The following FRMD4A variants were observed in gnomAD, a reference collection of about 807,000 sequenced individuals.
FRMD4A encodes FERM domain containing 4A.
A neutral mutation model predicts 129.1 loss-of-function variants in FRMD4A; 29 were observed. The observed-to-expected ratio is 0.22, with a 90% confidence interval of 0.17 to 0.31. The LOEUF (loss-of-function observed/expected upper bound fraction) is 0.31. FRMD4A is among the 10% of genes least tolerant of loss of function. The pLI, the probability that FRMD4A is intolerant of heterozygous loss-of-function variation, is 1.00. For missense variants in FRMD4A, 1,272 were observed against 1,375.8 expected (o/e 0.92, Z 1.19); for synonymous variants, 634 against 571.6 (o/e 1.11, Z -1.56).
At chr10:13,717,456 GATAT>G (rs1350074566) in intron 12 of FRMD4A, among the ~76,000 whole-genome samples, 1 of 152,058 alleles carries the variant, frequency 6.6e-6, no homozygotes, top group Non-Finnish European at 1.5e-5. Flanking sequence ...TGAGATTACA[GATAT>G]ATGCCACCAT....
chr10:14,226,539 C>G (rs948507314), intron 2 of FRMD4A, among the ~76,000 whole-genome samples: 1 of 152,174 alleles, frequency 6.6e-6, no homozygotes, highest in Admixed American at 6.5e-5. Flanking sequence ...GGGCGCCATA[C>G]TGGAAGGATC....
chr10:14,012,343 T>C (rs2095685236), intron 2 of FRMD4A, among the ~76,000 whole-genome samples: 1 of 152,170 alleles, frequency 6.6e-6, no homozygotes, highest in Non-Finnish European at 1.5e-5. Flanking sequence ...TTCCTTCCAG[T>C]CTCAATGAAA....
intron 2 of FRMD4A, among the ~76,000 whole-genome samples, chr10:13,951,890 A>AAATAATAATAATAATAATAAT (rs5783371): frequency 3.9e-5 from 5 of 127,654 alleles, no homozygotes; most frequent in Non-Finnish European, 5.2e-5. Flanking sequence ...ACTCTGTCTC[A>AAATAATAATAATAATAATAAT]AATAATAATA....
At chr10:14,103,629 G>A (rs1287299406) in intron 2 of FRMD4A, among the ~76,000 whole-genome samples, 1 of 152,170 alleles carries the variant, frequency 6.6e-6, no homozygotes, top group Non-Finnish European at 1.5e-5. Flanking sequence ...ATGTGAAGCT[G>A]AATGTAAAAT....
intron 2 of FRMD4A, among the ~76,000 whole-genome samples, chr10:14,179,054 G>T (rs1027023272): frequency 6.6e-6 from 1 of 152,156 alleles, no homozygotes; most frequent in Non-Finnish European, 1.5e-5. Flanking sequence ...TAGACTAGGA[G>T]CACTTGTAAA....
chr10:13,687,051 G>A (rs1308158269), intron 15 of FRMD4A, among the ~76,000 whole-genome samples: 1 of 152,158 alleles, frequency 6.6e-6, no homozygotes, highest in Non-Finnish European at 1.5e-5. Context: ...AGCATGTTGG[G>A]AGGCCGAGGC....
chr10:14,039,447 AATCAATCAATCT>A (rs1225910684), intron 2 of FRMD4A, among the ~76,000 whole-genome samples: 19 of 68,476 alleles, frequency 2.8e-4, no homozygotes, highest in South Asian at 9.5e-4. Flanking sequence ...GGAACCCCAA[AATCAATCAATCT>A]ATCTATCTAT....
chr10:14,083,110 T>C (rs1488334187), intron 2 of FRMD4A: 1 of 152,214 alleles, frequency 6.6e-6, no homozygotes, highest in Non-Finnish European at 1.5e-5. Flanking sequence ...TTCTGGAACC[T>C]TCCGTGGAGA....
At chr10:14,295,223 A>C (rs1845972286) in intron 2 of FRMD4A, among the ~76,000 whole-genome samples, 1 of 152,132 alleles carries the variant, frequency 6.6e-6, no homozygotes, top group South Asian at 2.1e-4. Context: ...TACATGGGAA[A>C]GCCACCTCCT....
intron 2 of FRMD4A, among the ~76,000 whole-genome samples, chr10:13,898,670 C>T (rs2094785752): frequency 6.6e-6 from 1 of 152,192 alleles, no homozygotes. Context: ...GATGGCTTAG[C>T]TCTGATCTTT....
At chr10:14,323,849 T>C (rs1286670170) in intron 2 of FRMD4A, among the ~76,000 whole-genome samples, 1 of 152,192 alleles carries the variant, frequency 6.6e-6, no homozygotes, top group Non-Finnish European at 1.5e-5. Context: ...GAGATGACCA[T>C]GAAAGAGAGT....
chr10:14,200,190 G>A (rs1842594610), intron 2 of FRMD4A, among the ~76,000 whole-genome samples: 2 of 150,464 alleles, frequency 1.3e-5, no homozygotes, highest in African/African-American at 4.9e-5. Flanking sequence ...ACTGTGCCAG[G>A]CCTTATATTT....
In FRMD4A at chr10:13,646,295, C is replaced by T. The variant is rs1165682252; in HGVS notation, c.*743G>A. The stretch of plus-strand genomic sequence containing the variant: ...ATTTCCTTGCAGAAAGAATGTCTTC[C>T]TCTTGGCCCCTCTTAATTTTTTATG... On this transcript the variant is annotated 3_prime_UTR_variant, in exon 25 of 25. Coordinates refer to ENST00000357447, the MANE Select transcript of FRMD4A (RefSeq NM_018027.5). 2.6e-5 allele frequency: 4 copies of T among 152,592 alleles called. No individual in the cohort carries two copies. The highest frequency in any genetic ancestry group is 5.9e-5 in the Non-Finnish European group (4 of 68,052). The allele number at this position is 152,592 out of a possible 1,614,324, so 9.5% of individuals were successfully genotyped here. A position where few individuals can be genotyped will look rare whatever the true frequency, so the allele number is the denominator to read the frequency against.
chr10:14,145,905 G>A (rs971289519), intron 2 of FRMD4A, among the ~76,000 whole-genome samples: 2 of 152,164 alleles, frequency 1.3e-5, no homozygotes, highest in African/African-American at 4.8e-5. Context: ...TGCTTATTTT[G>A]TTCTGAAATG....
chr10:13,683,863 C>A (rs1270587445), intron 15 of FRMD4A, among the ~76,000 whole-genome samples: 1 of 152,012 alleles, frequency 6.6e-6, no homozygotes, highest in East Asian at 2.0e-4. Flanking sequence ...TAGTGCGCCA[C>A]CATGCCTGAC....
At chr10:14,092,597 C>A (rs755940641) in intron 2 of FRMD4A, among the ~76,000 whole-genome samples, 1 of 152,238 alleles carries the variant, frequency 6.6e-6, no homozygotes, top group Non-Finnish European at 1.5e-5. Context: ...CATCAGTGTT[C>A]ATTGAGTATA....
rs753536105 is a variant in FRMD4A at position 13,656,886 on chromosome 10, C to T, written c.2703G>A (p.Ser901=). 73 of 1,479,048 alleles carry T rather than the reference C, an allele frequency of 4.9e-5. No homozygotes were observed. Among genetic ancestry groups the T allele is most frequent in the Middle Eastern group, 1.8e-4 (1 of 5,700 alleles). The allele number at this position is 1,479,048 out of a possible 1,614,324, so 91.6% of individuals were successfully genotyped here. ...GDTGRLTPSR[S]QILRTPSLGR... The stretch of plus-strand genomic sequence containing the variant: ...CCAGCGACGGAGTCCGCAGGATCTG[C>T]GATCGCGACGGCGTCAGGCGGCCCG... Residue 901 remains serine (S), a synonymous_variant, in exon 22 of 25, where the codon TCG becomes TCA. Transcript: ENST00000357447.
chr10:14,100,494 C>T lies in FRMD4A; in HGVS notation c.45+229564G>A, dbSNP rs528251820. Among the ~76,000 whole-genome samples, 10 of 152,150 alleles carry T rather than the reference C, an allele frequency of 6.6e-5. No homozygotes were observed. The South Asian group carries it at 2.1e-3, about 32-fold the overall frequency. On this transcript the variant is annotated intron_variant, in intron 2 of 24. Coordinates refer to ENST00000357447, the MANE Select transcript of FRMD4A (RefSeq NM_018027.5). ...GAAGAGCTGTTTCAAATGACTTTTCCACCCTATTTCCCCCCGACCCCTTAA... is the reference window on the plus strand; with the variant it reads ...GAAGAGCTGTTTCAAATGACTTTTCTACCCTATTTCCCCCCGACCCCTTAA...
intron 2 of FRMD4A, among the ~76,000 whole-genome samples, chr10:13,942,583 T>G (rs2095300793): frequency 6.6e-6 from 1 of 152,170 alleles, no homozygotes; most frequent in Admixed American, 6.5e-5. Context: ...TTTAAAAGGA[T>G]CTGTGGTATT....
Sources: gnomAD v4.1 joint callset for allele counts (sites outside exome capture counted in the v4.1 genomes callset) on GRCh38, gnomAD v4.1.1 for gene constraint, MANE v1.5 for transcripts, NCBI Gene and HGNC (gene_info 2026-07-23, HGNC 2026-07-21) for gene names.